RFX4: variants seen among roughly 807,000 people sequenced by gnomAD.
RFX4 encodes the protein regulatory factor X4.
RFX4 carries 10 observed loss-of-function variants against 95.0 expected under a neutral mutation model. That is an observed-to-expected ratio of 0.11 (90% CI 0.06 to 0.18). The LOEUF is 0.18. RFX4 is among the 10% of genes least tolerant of loss of function. The probability of loss-of-function intolerance (pLI) is 1.00; values close to 1 mark genes in which losing one functional copy is unlikely to be tolerated. For missense variants in RFX4, 640 were observed against 922.0 expected, an observed-to-expected ratio of 0.69 and a Z score of 3.96; for synonymous variants, 321 against 340.7, an observed-to-expected ratio of 0.94 and a Z score of 0.64.
At chr12:106,734,263 A>G (rs1024856633) in intron 15 of RFX4, among the ~76,000 whole-genome samples, 5 of 152,156 alleles carry the variant, frequency 3.3e-5, no homozygotes, top group Non-Finnish European at 7.4e-5. Flanking sequence ...TGGTTGCACA[A>G]CATGGTGAAT....
At chr12:106,594,493 A>T (rs981374102) in intron 1 of RFX4, among the ~76,000 whole-genome samples, 7 of 152,228 alleles carry the variant, frequency 4.6e-5, no homozygotes, top group Admixed American at 1.3e-4. Context: ...CTTTGGTGTG[A>T]TGACAAGAAT....
Position 106,732,248 on chromosome 12 carries a change from T to G in RFX4, c.1470T>G (p.Thr490=). The G allele has an allele frequency of 6.2e-7, 1 of 1,613,848 alleles. No individual in the cohort carries two copies. The highest frequency in any genetic ancestry group is 1.1e-5 in the South Asian group (1 of 91,034). Residue 490 remains threonine, a splice_region_variant and synonymous_variant, in exon 14 of 18, where the codon ACT becomes ACG. Transcript: ENST00000392842. ...LMRAMKGEGS[T]AEVREEIILT... ...GAGCCATGAAGGGAGAAGGAAGCAC[T>G]GGTAAGCCAGCATTTTCCTGGGAAT...
rs574072450 is a variant in RFX4 at position 106,739,385 on chromosome 12, G to T, written c.1633+6300G>T. On this transcript the variant is annotated intron_variant, in intron 15 of 17. Transcript: ENST00000392842. ...TGGATGGACACTTCTCCATTTTTCAGCTGTGAAAAAGGAACAGTATTATGT... is the reference window on the plus strand; with the variant it reads ...TGGATGGACACTTCTCCATTTTTCATCTGTGAAAAAGGAACAGTATTATGT... Among the ~76,000 whole-genome samples the T allele has an allele frequency of 5.9e-5, 9 of 152,178 alleles. No individual in the cohort carries two copies. In the South Asian group the frequency reaches 1.7e-3, roughly 28 times the overall value.
intron 2 of RFX4, among the ~76,000 whole-genome samples, chr12:106,631,474 T>C (rs1338590572): frequency 1.3e-5 from 2 of 152,122 alleles, no homozygotes; most frequent in Non-Finnish European, 2.9e-5. Flanking sequence ...TAACCCCCTA[T>C]GTGATGGTAT....
At chr12:106,647,591 T>C (rs1455114188) in intron 3 of RFX4, among the ~76,000 whole-genome samples, 1 of 152,200 alleles carries the variant, frequency 6.6e-6, no homozygotes, top group Non-Finnish European at 1.5e-5. Context: ...TTTCCCCTCC[T>C]TCCTCCTGCA....
At chr12:106,602,517 C>T (rs2039733055) in intron 1 of RFX4, among the ~76,000 whole-genome samples, 1 of 152,192 alleles carries the variant, frequency 6.6e-6, no homozygotes, top group Non-Finnish European at 1.5e-5. Flanking sequence ...GAGCTCCAAA[C>T]CCCACATTCT....
intron 9 of RFX4, among the ~76,000 whole-genome samples, chr12:106,710,247 C>T (rs1317627281): frequency 6.6e-6 from 1 of 152,164 alleles, no homozygotes; most frequent in Non-Finnish European, 1.5e-5. Context: ...AAAATGAAGG[C>T]GATCAAATTA....
chr12:106,686,033 C>T (rs184492972), intron 5 of RFX4, among the ~76,000 whole-genome samples: 77 of 152,316 alleles, frequency 5.1e-4, no homozygotes, highest in African/African-American at 1.7e-3. Flanking sequence ...TTCTGGTCTT[C>T]GCTTTACATT....
chr12:106,594,459 A>G (rs1423639861), intron 1 of RFX4, among the ~76,000 whole-genome samples: 1 of 152,226 alleles, frequency 6.6e-6, no homozygotes, highest in Non-Finnish European at 1.5e-5. Flanking sequence ...CTTCTAATCA[A>G]GGCTGCGTTT....
At chr12:106,736,010 C>G (rs926606264) in intron 15 of RFX4, among the ~76,000 whole-genome samples, 1 of 152,138 alleles carries the variant, frequency 6.6e-6, no homozygotes, top group Admixed American at 6.5e-5. Flanking sequence ...ACCTTTCCAT[C>G]CAAACCTGCT....
At chr12:106,690,552 C>T (rs937051461) in intron 7 of RFX4, among the ~76,000 whole-genome samples, 3 of 151,134 alleles carry the variant, frequency 2.0e-5, no homozygotes, top group Admixed American at 1.3e-4. Flanking sequence ...CAATCCAGTG[C>T]GTTTGTTCTT....
At chr12:106,633,699 T>G (rs573695277) in intron 2 of RFX4, among the ~76,000 whole-genome samples, 1 of 152,188 alleles carries the variant, frequency 6.6e-6, no homozygotes, top group Middle Eastern at 3.2e-3. Flanking sequence ...CAAAGCCAAG[T>G]TATTTTTATT....
chr12:106,608,784 T>C lies in RFX4; in HGVS notation c.44-13T>C, dbSNP rs566790758. 37 of 1,554,576 alleles carry C rather than the reference T, an allele frequency of 2.4e-5. No homozygotes were observed. Among genetic ancestry groups the C allele is most frequent in the African/African-American group, 7.0e-5 (5 of 71,352 alleles). ...TTTTCTTTTCTTTCTTTCTTTCTTT[T>C]TTTTTTTTTTAGAGAGCTGGATTGA... On this transcript the variant is annotated splice_polypyrimidine_tract_variant and intron_variant, in intron 1 of 17. Coordinates refer to ENST00000392842, the MANE Select transcript of RFX4 (RefSeq NM_213594.3).
At chr12:106,609,682 T>C (rs190699163) in intron 2 of RFX4, among the ~76,000 whole-genome samples, 1 of 152,338 alleles carries the variant, frequency 6.6e-6, no homozygotes, top group East Asian at 1.9e-4. Context: ...CACTTCATTT[T>C]ATAAAATTGA....
chr12:106,715,605 C>A, intron 11 of RFX4, 61 bp downstream of exon 11: 2 of 1,586,516 alleles, frequency 1.3e-6, no homozygotes, highest in South Asian at 2.3e-5. Flanking sequence ...GAAAAAGTGT[C>A]TTAGTAAATA....
chr12:106,671,957 C>T (rs961302384), intron 4 of RFX4, among the ~76,000 whole-genome samples: 24 of 152,112 alleles, frequency 1.6e-4, no homozygotes, highest in Admixed American at 4.6e-4. Context: ...CCACCACACC[C>T]GGCCTCCAGT....
At chr12:106,662,095 A>G in intron 4 of RFX4, 1 of 280,144 alleles carries the variant, frequency 3.6e-6, no homozygotes. Flanking sequence ...GGCAATTGCT[A>G]GATTGTATGG....
intron 1 of RFX4, chr12:106,601,264 G>C: frequency 6.3e-7 from 1 of 1,583,468 alleles, no homozygotes; most frequent in Non-Finnish European, 8.6e-7. Context: ...AGACAGAAAG[G>C]GGCTGAGACA....
intron 2 of RFX4, among the ~76,000 whole-genome samples, chr12:106,626,427 A>G (rs1032578360): frequency 6.6e-6 from 1 of 152,134 alleles, no homozygotes; most frequent in African/African-American, 2.4e-5. Flanking sequence ...AGTTTTCCAG[A>G]TTGGCTTGAA....
Sources: gnomAD v4.1 joint callset for allele counts (sites outside exome capture counted in the v4.1 genomes callset) on GRCh38, gnomAD v4.1.1 for gene constraint, MANE v1.5 for transcripts, NCBI Gene and HGNC (gene_info 2026-07-23, HGNC 2026-07-21) for gene names.